Variants in ZNF583 observed in about 807,000 individuals in gnomAD.
ZNF583 encodes the protein zinc finger protein 583.
Under a neutral mutation model 55.3 loss-of-function variants are expected in ZNF583, and 30 were observed. The observed-to-expected ratio is 0.54, with a 90% CI of 0.41 to 0.74. The LOEUF (loss-of-function observed/expected upper bound fraction) is 0.74, where lower values mean the gene tolerates loss of function less well. Among genes scored for constraint, ZNF583 ranks in the 30% least tolerant of loss-of-function variants. ZNF583 has a pLI of 0.00. For synonymous variants in ZNF583, 208 were observed against 220.0 expected (o/e 0.95, Z 0.48); for missense variants, 504 against 664.7 (o/e 0.76, Z 2.66).
At chr19:56,417,131 T>C (rs554515053) in intron 4 of ZNF583, among the ~76,000 whole-genome samples, 6 of 152,346 alleles carry the variant, frequency 3.9e-5, no homozygotes, top group African/African-American at 7.2e-5. Flanking sequence ...TTTGGGGCTA[T>C]TATAAATAAA....
rs2042289609 is a variant in ZNF583 at position 56,414,594 on chromosome 19, C to T, written c.232+154C>T. 14 of 626,196 alleles carry T rather than the reference C, an allele frequency of 2.2e-5. No homozygotes were observed. In the Middle Eastern group the frequency reaches 8.5e-4, roughly 38 times the overall value. 38.8% of individuals were successfully genotyped at this position (626,196 alleles called of 1,614,324 possible). A position where few individuals can be genotyped will look rare whatever the true frequency, so the allele number is the denominator to read the frequency against. On this transcript the variant is annotated intron_variant, in intron 4 of 4. Coordinates refer to ENST00000333201, the MANE Select transcript of ZNF583 (RefSeq NM_152478.3). The stretch of plus-strand genomic sequence containing the variant: ...ATTGAGGCATCTTTAGTATGAGCTC[C>T]TCAATTTGTTCTCTCTGTCTATATT...
intron 2 of ZNF583, among the ~76,000 whole-genome samples, chr19:56,408,100 T>C (rs1416479495): frequency 6.6e-6 from 1 of 152,210 alleles, no homozygotes; most frequent in Non-Finnish European, 1.5e-5. Context: ...TATTATATGA[T>C]GTACTGATAT....
chr19:56,418,227 A>T (rs2042358451), intron 4 of ZNF583, among the ~76,000 whole-genome samples: 1 of 152,170 alleles, frequency 6.6e-6, no homozygotes, highest in Admixed American at 6.5e-5. Flanking sequence ...CTGACCTCTT[A>T]ACATTGAGTC....
intron 4 of ZNF583, among the ~76,000 whole-genome samples, chr19:56,418,151 A>G (rs1568810529): frequency 6.6e-6 from 1 of 152,226 alleles, no homozygotes; most frequent in Non-Finnish European, 1.5e-5. Flanking sequence ...GAAGTTGAGA[A>G]TTTCTGCTCA....
At chr19:56,420,810 T>A (rs2042402599) in intron 4 of ZNF583, among the ~76,000 whole-genome samples, 1 of 152,200 alleles carries the variant, frequency 6.6e-6, no homozygotes, top group Non-Finnish European at 1.5e-5. Context: ...AAACAGCATA[T>A]AATTGTGTCT....
chr19:56,418,762 C>T (rs1416268465), intron 4 of ZNF583, among the ~76,000 whole-genome samples: 1 of 152,020 alleles, frequency 6.6e-6, no homozygotes, highest in African/African-American at 2.4e-5. Flanking sequence ...TGATATATTG[C>T]AATGGCTAGG....
intron 2 of ZNF583, among the ~76,000 whole-genome samples, chr19:56,410,332 A>G (rs957850644): frequency 6.6e-6 from 1 of 152,228 alleles, no homozygotes; most frequent in Admixed American, 6.5e-5. Flanking sequence ...TCCTGGTCTC[A>G]ATGGAGAGAA....
intron 4 of ZNF583, among the ~76,000 whole-genome samples, chr19:56,420,502 G>A (rs1467840261): frequency 6.6e-6 from 1 of 152,114 alleles, no homozygotes; most frequent in Non-Finnish European, 1.5e-5. Context: ...CAGTTTCTGA[G>A]CAAAGCATGT....
rs1357849951 is a variant in ZNF583 at position 56,424,317 on chromosome 19, C to G, written c.1659C>G (p.Pro553=). ...TMESFLTLSS[P]SPSTSNQLPR... ...AGTCATTCTTGACTCTTTCCTCTCC[C>G]TCACCCTCCACATCAAATCAGTTGC... Residue 553 remains proline, a synonymous_variant, in exon 5 of 5, where the codon CCC becomes CCG. Transcript: ENST00000333201. 3 of 1,600,526 alleles carry G rather than the reference C, an allele frequency of 1.9e-6. No individual in the cohort carries two copies. The South Asian group carries it at 3.3e-5, about 18-fold the overall frequency.
In ZNF583 at chr19:56,404,938, C is replaced by CTG. The variant is rs909560271; in HGVS notation, c.-90+495_-90+496dup. On this transcript the variant is annotated intron_variant, in intron 1 of 4. Coordinates refer to ENST00000333201, the MANE Select transcript of ZNF583 (RefSeq NM_152478.3). This position sits in a 1 kb window ranked among gnomAD's most constrained non-coding sequence, Gnocchi z 5.2. ...AAGACCATGTCACTGTGTGTGTGAC[C>CTG]TGTGTGTGTGGGATAATGTAAGACT... 6.6e-6 allele frequency among the ~76,000 whole-genome samples: 1 copy of CTG among 151,690 alleles called. No homozygotes were observed. The highest frequency in any genetic ancestry group is 2.0e-4 in the East Asian group (1 of 5,122).
chr19:56,425,463 G>A lies in ZNF583; in HGVS notation c.*1095G>A, dbSNP rs1308822345. On this transcript the variant is annotated 3_prime_UTR_variant, in exon 5 of 5. Transcript: ENST00000333201. ...GACGTCCGGTGATCCGCCTGCCTTG[G>A]CCTCCCAAAGTGCTGGGATTACATG... 1 of 152,144 alleles carries A rather than the reference G, an allele frequency of 6.6e-6. No homozygotes were observed. The highest frequency in any genetic ancestry group is 1.5e-5 in the Non-Finnish European group (1 of 68,060). The allele number at this position is 152,144 out of a possible 1,614,324, so 9.4% of individuals were successfully genotyped here.
intron 1 of ZNF583, among the ~76,000 whole-genome samples, chr19:56,406,354 G>C (rs1412738075): frequency 2.0e-5 from 3 of 152,030 alleles, no homozygotes; most frequent in Admixed American, 1.3e-4. Flanking sequence ...AGTTAGAACT[G>C]GTTTCCAGTT....
At chr19:56,406,663 A>C (rs1023837176) in intron 1 of ZNF583, among the ~76,000 whole-genome samples, 2 of 149,924 alleles carry the variant, frequency 1.3e-5, no homozygotes, top group African/African-American at 4.9e-5. Flanking sequence ...AGTAGCTGGG[A>C]CTACAGGCGC....
In ZNF583 at chr19:56,426,105, A is replaced by G. The variant is rs1275252031; in HGVS notation, c.*1737A>G. ...ATGTCAGTAGCCCATGAATTAATTT[A>G]CAGATTCTACCTAACAAAATTCTAA... On this transcript the variant is annotated 3_prime_UTR_variant, in exon 5 of 5. Transcript: ENST00000333201. 1 of 152,234 alleles carries G rather than the reference A, an allele frequency of 6.6e-6. No homozygotes were observed. The highest frequency in any genetic ancestry group is 2.4e-5 in the African/African-American group (1 of 41,456). The allele number at this position is 152,234 out of a possible 1,614,324, so 9.4% of individuals were successfully genotyped here.
intron 2 of ZNF583, 61 bp downstream of exon 2, chr19:56,407,184 C>A: frequency 6.3e-7 from 1 of 1,597,572 alleles, no homozygotes; most frequent in Non-Finnish European, 8.6e-7. Flanking sequence ...GTTATACGAA[C>A]ATTTTGTTTT....
rs139008458 is a variant in ZNF583 at position 56,423,447 on chromosome 19, T to C, written c.789T>C (p.Thr263=). 1.9e-6 allele frequency: 3 copies of C among 1,613,766 alleles called. No individual in the cohort carries two copies. In the African/African-American group the frequency reaches 4.0e-5, roughly 22 times the overall value. Residue 263 remains threonine, a synonymous_variant, in exon 5 of 5, where the codon ACT becomes ACC. Coordinates refer to ENST00000333201, the MANE Select transcript of ZNF583 (RefSeq NM_152478.3). Reference sequence around the variant, plus strand: ...TGGCGCAACATAAGAGAATACATACTGGAGAGAAACCCTATGAATGTAAAG... The same window carrying C: ...TGGCGCAACATAAGAGAATACATACCGGAGAGAAACCCTATGAATGTAAAG... ...ANLAQHKRIH[T]GEKPYECKEC...
chr19:56,413,842 A>G, intron 2 of ZNF583, 117 bp from the exon 3 acceptor site: 3 of 1,421,560 alleles, frequency 2.1e-6, no homozygotes, highest in Non-Finnish European at 2.9e-6. Flanking sequence ...ATACTGTCAG[A>G]AAGTTTTGCT....
intron 1 of ZNF583, 70 bp from the exon 2 acceptor site, chr19:56,406,956 G>T: frequency 1.5e-6 from 1 of 682,826 alleles, no homozygotes; most frequent in Non-Finnish European, 2.4e-6. Context: ...AGAAGGAAAG[G>T]TTTCTAGGCT....
At position 56,404,847 on chromosome 19, in the gene ZNF583, G is replaced by T. The variant is rs1276606683; in HGVS notation, c.-90+395G>T. 2.0e-5 allele frequency among the ~76,000 whole-genome samples: 3 copies of T among 152,228 alleles called. No individual in the cohort carries two copies. Among genetic ancestry groups the T allele is most frequent in the African/African-American group, 2.4e-5 (1 of 41,444 alleles). Reference sequence around the variant, plus strand: ...TGTGCTTAAGACCACGTCACCATGTGTGAGACTGGGAATGTGTGACAGTGT... The same window carrying T: ...TGTGCTTAAGACCACGTCACCATGTTTGAGACTGGGAATGTGTGACAGTGT... On this transcript the variant is annotated intron_variant, in intron 1 of 4. Coordinates refer to ENST00000333201, the MANE Select transcript of ZNF583 (RefSeq NM_152478.3). This position sits in a 1 kb window ranked among gnomAD's most constrained non-coding sequence, Gnocchi z 5.2.
Sources: allele counts gnomAD v4.1 joint callset (sites outside exome capture counted in the v4.1 genomes callset), GRCh38; gene constraint gnomAD v4.1.1; non-coding constraint Gnocchi (gnomAD v3.1); transcripts MANE v1.5; gene names NCBI Gene and HGNC (gene_info 2026-07-23, HGNC 2026-07-21).